Variants in CYP39A1 observed in about 807,000 individuals in gnomAD.
CYP39A1 encodes the protein cytochrome P450 family 39 subfamily A member 1, also known as 24-hydroxycholesterol 7-alpha-hydroxylase.
CYP39A1 carries 49 observed loss-of-function variants against 58.1 expected under a neutral mutation model. The ratio of observed to expected loss-of-function variants is 0.84; its 90% confidence interval spans 0.67 to 1.07. CYP39A1 has a LOEUF of 1.07. Among genes scored for constraint, CYP39A1 ranks in the 50% least tolerant of loss-of-function variants. The pLI, the probability that CYP39A1 is intolerant of heterozygous loss-of-function variation, is 0.00. For missense variants in CYP39A1, 531 were observed against 539.4 expected, an observed-to-expected ratio of 0.98 and a Z score of 0.16; for synonymous variants, 209 against 187.6, an observed-to-expected ratio of 1.11 and a Z score of -0.93.
chr6:46,603,802 T>C (rs9463215), intron 7 of CYP39A1, among the ~76,000 whole-genome samples: 9,443 of 152,266 alleles, frequency 0.062, 643 homozygotes, highest in African/African-American at 0.17. Context: ...CTGCCTTATA[T>C]AGAAAAAGTT....
chr6:46,592,709 A>G (rs1772912362), intron 8 of CYP39A1, among the ~76,000 whole-genome samples: 1 of 152,178 alleles, frequency 6.6e-6, no homozygotes, highest in Non-Finnish European at 1.5e-5. Context: ...TAATCCCAGC[A>G]CTTTGGGAGG....
At chr6:46,568,934 C>T (rs1288123408) in intron 10 of CYP39A1, among the ~76,000 whole-genome samples, 1 of 150,380 alleles carries the variant, frequency 6.6e-6, no homozygotes, top group African/African-American at 2.5e-5. Flanking sequence ...AAAAAAATAA[C>T]ATCATTGCGA....
At position 46,553,096 on chromosome 6, in the gene CYP39A1, G is replaced by A. The variant is rs200111330; in HGVS notation, c.1338+671C>T. On this transcript the variant is annotated intron_variant, in intron 11 of 11. Coordinates refer to ENST00000275016, the MANE Select transcript of CYP39A1 (RefSeq NM_016593.5). ...ACCAAAAAAAAAAAAAAAAAAAAAG[G>A]AAAGAAATGCAATTCTGTAGCCCCT... is the stretch of plus-strand genomic sequence containing the variant. 4.0e-3 allele frequency among the ~76,000 whole-genome samples: 517 copies of A among 130,398 alleles called. 2 individuals carry two copies. The highest frequency in any genetic ancestry group is 0.011 in the African/African-American group (376 of 33,848). The allele number at this position is 130,398 out of a possible 152,430, so 85.5% of individuals were successfully genotyped here.
intron 1 of CYP39A1, among the ~76,000 whole-genome samples, chr6:46,647,885 G>A (rs1762426057): frequency 6.6e-6 from 1 of 152,084 alleles, no homozygotes; most frequent in Non-Finnish European, 1.5e-5. Context: ...CCCATTGTCA[G>A]ATGAATAGAT....
chr6:46,564,186 T>A (rs1371088522), intron 10 of CYP39A1, among the ~76,000 whole-genome samples: 1 of 105,332 alleles, frequency 9.5e-6, no homozygotes, highest in African/African-American at 8.4e-5. Flanking sequence ...TTTTATTCTA[T>A]TTTATTTTAT....
chr6:46,582,406 A>G (rs1772182693), intron 10 of CYP39A1, among the ~76,000 whole-genome samples: 1 of 152,180 alleles, frequency 6.6e-6, no homozygotes, highest in Non-Finnish European at 1.5e-5. Flanking sequence ...TATATAGAAA[A>G]AGATGTGCTC....
At chr6:46,589,228 G>A (rs565026968) in intron 8 of CYP39A1, among the ~76,000 whole-genome samples, 1 of 152,154 alleles carries the variant, frequency 6.6e-6, no homozygotes, top group East Asian at 1.9e-4. Context: ...CTTGGTCGGA[G>A]GATCCTTTGA....
At chr6:46,569,912 A>AT (rs1283359875) in intron 10 of CYP39A1, among the ~76,000 whole-genome samples, 4 of 151,986 alleles carry the variant, frequency 2.6e-5, no homozygotes, top group Non-Finnish European at 5.9e-5. Context: ...TCTCTCTTCA[A>AT]TTTTTTCTAA....
Position 46,558,433 on chromosome 6 carries a change from A to T in CYP39A1, c.1251-4579T>A, listed in dbSNP as rs567850599. ...GGGAAGTGCCACACACTTTTACACCATCATATCTCGTGAGAACTCATTCAC... is the reference window on the plus strand; with the variant it reads ...GGGAAGTGCCACACACTTTTACACCTTCATATCTCGTGAGAACTCATTCAC... On this transcript the variant is annotated intron_variant, in intron 10 of 11. Coordinates refer to ENST00000275016, the MANE Select transcript of CYP39A1 (RefSeq NM_016593.5). Among the ~76,000 whole-genome samples the T allele has an allele frequency of 2.1e-3, 321 of 152,174 alleles. 1 individual carries two copies. The highest frequency in any genetic ancestry group is 6.8e-3 in the African/African-American group (283 of 41,526).
intron 10 of CYP39A1, among the ~76,000 whole-genome samples, chr6:46,573,903 C>T (rs1771719972): frequency 6.6e-6 from 1 of 152,126 alleles, no homozygotes; most frequent in Non-Finnish European, 1.5e-5. Context: ...TACAAGATTT[C>T]ATGGAGTTCA....
chr6:46,627,759 TC>T (rs1775410790), intron 6 of CYP39A1, among the ~76,000 whole-genome samples: 1 of 152,156 alleles, frequency 6.6e-6, no homozygotes, highest in Admixed American at 6.6e-5. Context: ...TAAAATTTTT[TC>T]TATTTTTAAA....
chr6:46,603,525 C>G (rs569183140), intron 7 of CYP39A1, among the ~76,000 whole-genome samples: 21 of 152,314 alleles, frequency 1.4e-4, no homozygotes, highest in African/African-American at 4.3e-4. Context: ...TCCTCTTTCC[C>G]CCACTGCCTG....
intron 7 of CYP39A1, among the ~76,000 whole-genome samples, chr6:46,624,124 C>T (rs1679084729): frequency 6.6e-6 from 1 of 152,178 alleles, no homozygotes; most frequent in Non-Finnish European, 1.5e-5. Context: ...ATTAATGTTA[C>T]ACTTCTGTTG....
At chr6:46,578,553 G>GA (rs940146043) in intron 10 of CYP39A1, among the ~76,000 whole-genome samples, 12 of 148,146 alleles carry the variant, frequency 8.1e-5, no homozygotes, top group South Asian at 4.2e-4. Context: ...GATTAATAAA[G>GA]AAAAAAAAAG....
In CYP39A1 at chr6:46,652,470, C is replaced by A; in HGVS notation, c.113G>T (p.Trp38Leu). ...RPPCIKGWIP[W>L]IGVGFEFGKA... ...CCCAAACTCAAATCCAACTCCAATC[C>A]AAGGAATCCAGCCCTTGATGCACGG... The change falls in exon 1 of 12, where the codon TGG becomes TTG. Residue 38 changes from tryptophan to leucine, a missense_variant. Physicochemically the swap from Trp to Leu is moderately conservative, Grantham distance 61 (BLOSUM62 -2). Coordinates refer to ENST00000275016, the MANE Select transcript of CYP39A1 (RefSeq NM_016593.5). 1 of 1,613,872 alleles carries A rather than the reference C, an allele frequency of 6.2e-7. No individual in the cohort carries two copies. The highest frequency in any genetic ancestry group is 8.5e-7 in the Non-Finnish European group (1 of 1,179,950).
intron 7 of CYP39A1, among the ~76,000 whole-genome samples, chr6:46,596,365 T>A (rs540327766): frequency 6.6e-6 from 1 of 152,198 alleles, no homozygotes; most frequent in South Asian, 2.1e-4. Context: ...TGGATTGGTA[T>A]CCAACTTAGG....
At chr6:46,581,366 C>T (rs78725917) in intron 10 of CYP39A1, among the ~76,000 whole-genome samples, 9,341 of 147,348 alleles carry the variant, frequency 0.063, 435 homozygotes, top group Non-Finnish European at 0.095. Context: ...GCTATGATCA[C>T]GCCAGTGCAC....
At chr6:46,574,450 A>C (rs1771748258) in intron 10 of CYP39A1, among the ~76,000 whole-genome samples, 1 of 152,232 alleles carries the variant, frequency 6.6e-6, no homozygotes, top group Non-Finnish European at 1.5e-5. Flanking sequence ...AGTGAAAATT[A>C]AAACTATTAG....
At chr6:46,556,331 A>C (rs1770663667) in intron 10 of CYP39A1, among the ~76,000 whole-genome samples, 1 of 152,338 alleles carries the variant, frequency 6.6e-6, no homozygotes, top group African/African-American at 2.4e-5. Flanking sequence ...CAGAGATCCA[A>C]GTTCAGGCAA....
Sources: gnomAD v4.1 joint callset for allele counts (sites outside exome capture counted in the v4.1 genomes callset) on GRCh38, gnomAD v4.1.1 for gene constraint, MANE v1.5 for transcripts, NCBI Gene and HGNC (gene_info 2026-07-23, HGNC 2026-07-21) for gene names.